Variants in ANKRD36C observed in about 807,000 individuals in gnomAD.
ANKRD36C encodes ankyrin repeat domain-containing protein 36C.
ANKRD36C carries 61 observed loss-of-function variants against 276.4 expected under a neutral mutation model. The observed-to-expected ratio is 0.22, with a 90% CI of 0.18 to 0.27. The LOEUF (loss-of-function observed/expected upper bound fraction) is 0.27. Ranked by LOEUF, ANKRD36C falls within the 10% of genes least tolerant of loss-of-function variation. ANKRD36C has a pLI of 1.00. For missense variants in ANKRD36C, 1,447 were observed against 2,032.3 expected (o/e 0.71, Z 5.54); for synonymous variants, 483 against 680.1 (o/e 0.71, Z 4.51).
chr2:95,957,762 T>A (rs1678365112), intron 12 of ANKRD36C, among the ~76,000 whole-genome samples: 2 of 152,162 alleles, frequency 1.3e-5, no homozygotes, highest in African/African-American at 4.8e-5. Context: ...TCTAAAATAG[T>A]CTGGTTTGAA....
rs1462262747 is a variant in ANKRD36C, at chr2:95,908,582, G to A, written c.2653+3662C>T. ...TTTCTCATCTCTTGTAGCCTGAATG[G>A]AATTTGAAATGCAATAATAAATTAA... On this transcript the variant is annotated intron_variant, in intron 42 of 66. Transcript: ENST00000456556. 1.3e-6 allele frequency: 2 copies of A among 1,561,828 alleles called. No homozygotes were observed. Among genetic ancestry groups the A allele is most frequent in the East Asian group, 2.3e-5 (1 of 42,842 alleles).
intron 42 of ANKRD36C, chr2:95,902,938 A>C: frequency 6.3e-7 from 1 of 1,590,458 alleles, no homozygotes; most frequent in Non-Finnish European, 8.6e-7. Flanking sequence ...TCAAAAGAGA[A>C]TCTTTCTCGT....
chr2:95,985,239 T>G (rs1679005366), intron 3 of ANKRD36C, among the ~76,000 whole-genome samples: 1 of 152,220 alleles, frequency 6.6e-6, no homozygotes, highest in Non-Finnish European at 1.5e-5. Flanking sequence ...CAAATAATAG[T>G]CCTTTTCACT....
exon 14 of ANKRD36C, chr2:95,953,999 G>C (rs1188526786): frequency 1.3e-6 from 2 of 1,532,914 alleles, no homozygotes; most frequent in South Asian, 2.4e-5. Context: ...CCGGTCTGTA[G>C]AGACTCCTAC....
At chr2:95,923,734 T>C (rs1553404557) in intron 30 of ANKRD36C, 45 bp from the exon 31 acceptor site, 1 of 1,597,062 alleles carries the variant, frequency 6.3e-7, no homozygotes, top group South Asian at 1.1e-5. Flanking sequence ...GTAAATATGA[T>C]AAAGTTATCT....
At chr2:95,981,322 T>C (rs1228033389) in intron 4 of ANKRD36C, among the ~76,000 whole-genome samples, 1 of 146,152 alleles carries the variant, frequency 6.8e-6, no homozygotes, top group Non-Finnish European at 1.5e-5. Flanking sequence ...GGTGGTTGTG[T>C]ATAAGTAACA....
chr2:95,891,839 C>G (rs1218801718), exon 45 of ANKRD36C: 1 of 1,562,886 alleles, frequency 6.4e-7, no homozygotes, highest in Non-Finnish European at 8.7e-7. Flanking sequence ...TACCTTCAAG[C>G]CTGATGGTTT....
exon 64 of ANKRD36C, chr2:95,853,809 G>A (rs1276772317): frequency 6.2e-7 from 1 of 1,608,136 alleles, no homozygotes; most frequent in Non-Finnish European, 8.5e-7. Context: ...TTTTGTTGCT[G>A]ATCGTTTGTT....
rs12468701 is a variant in ANKRD36C, at chr2:95,875,023, G to A, written c.3540+1416C>T. Among the ~76,000 whole-genome samples, 478 of 152,292 alleles carry A rather than the reference G, an allele frequency of 3.1e-3. 1 individual carries two copies. Among genetic ancestry groups the A allele is most frequent in the Non-Finnish European group, 5.0e-3 (343 of 68,014 alleles). On this transcript the variant is annotated intron_variant, in intron 59 of 66. Coordinates refer to ENST00000456556, the Ensembl canonical transcript of ANKRD36C. Reference sequence around the variant, plus strand: ...TAGGATGGCAATCATTAAAAAGTCTGCAAACAACAGGTGCTGGAGAAGATG... The same window carrying A: ...TAGGATGGCAATCATTAAAAAGTCTACAAACAACAGGTGCTGGAGAAGATG...
chr2:95,952,292 T>C (rs1678217184), intron 14 of ANKRD36C, among the ~76,000 whole-genome samples: 1 of 152,308 alleles, frequency 6.6e-6, no homozygotes, highest in Non-Finnish European at 1.5e-5. Flanking sequence ...TGTAAATACT[T>C]ATGTAACAAA....
chr2:95,884,178 C>T, exon 54 of ANKRD36C: 5 of 1,606,870 alleles, frequency 3.1e-6, no homozygotes, highest in Non-Finnish European at 4.2e-6. Context: ...ATTACCTGTC[C>T]CAGATTTTTC....
intron 34 of ANKRD36C, among the ~76,000 whole-genome samples, chr2:95,918,364 T>A (rs547463450): frequency 6.6e-6 from 1 of 151,814 alleles, no homozygotes; most frequent in African/African-American, 2.4e-5. Context: ...GAGCAACTCA[T>A]ACATGTGAGA....
exon 33 of ANKRD36C, chr2:95,921,803 A>G: frequency 9.4e-6 from 15 of 1,600,702 alleles, no homozygotes; most frequent in Non-Finnish European, 1.3e-5. Flanking sequence ...GTTGTTTCTG[A>G]GAAGACACTG....
intron 6 of ANKRD36C, among the ~76,000 whole-genome samples, chr2:95,977,788 T>A (rs985397019): frequency 5.3e-5 from 8 of 152,148 alleles, no homozygotes; most frequent in African/African-American, 1.9e-4. Flanking sequence ...TAAATAGAAG[T>A]TCTAATTATA....
chr2:95,912,578 C>G (rs1035696471), intron 40 of ANKRD36C, 143 bp from the exon 43 acceptor site: 1 of 1,472,738 alleles, frequency 6.8e-7, no homozygotes, highest in Non-Finnish European at 9.2e-7. Context: ...GTCTGGGGAC[C>G]AGAACGTGAC....
chr2:95,916,107 T>A lies in ANKRD36C; in HGVS notation c.2376+36A>T, dbSNP rs752500944. The A allele has an allele frequency of 8.1e-6, 13 of 1,605,080 alleles. No homozygotes were observed. In the South Asian group the frequency reaches 1.4e-4, roughly 18 times the overall value. On this transcript the variant is annotated intron_variant, in intron 37 of 66. Transcript: ENST00000456556. ...TAAGGTATGTTTCATAGGCTATACG[T>A]TTACTAGCTCACAATATAAATGAGA...
rs193302462 is a variant in ANKRD36C at position 95,910,884 on chromosome 2, C to G, written c.2653+1360G>C. On this transcript the variant is annotated intron_variant, in intron 42 of 66. Coordinates refer to ENST00000456556, the Ensembl canonical transcript of ANKRD36C. ...CAAATGTGATCTAAAATCAGAAGAG[C>G]AACTCAGACACCTGAGAATCAATGT... 2.3e-4 allele frequency among the ~76,000 whole-genome samples: 35 copies of G among 151,570 alleles called. No homozygotes were observed. In the East Asian group the frequency reaches 6.1e-3, roughly 26 times the overall value.
At chr2:95,891,681 T>G (rs1676364342) in exon 46 of ANKRD36C, 1 of 1,566,846 alleles carries the variant, frequency 6.4e-7, no homozygotes, top group South Asian at 1.2e-5. Context: ...TAGTTTTTTC[T>G]CCATGCTTTT....
chr2:95,937,163 CATT>C (rs1677741033), intron 22 of ANKRD36C, among the ~76,000 whole-genome samples: 1 of 152,300 alleles, frequency 6.6e-6, no homozygotes, highest in Non-Finnish European at 1.5e-5. Context: ...CACATTACAC[CATT>C]ATGTGTTATG....
Sources: gnomAD v4.1 joint callset for allele counts (sites outside exome capture counted in the v4.1 genomes callset) on GRCh38, gnomAD v4.1.1 for gene constraint, MANE v1.5 for transcripts, NCBI Gene and HGNC (gene_info 2026-07-23, HGNC 2026-07-21) for gene names.